The following MACF1 variants were observed in gnomAD, a reference collection of about 807,000 sequenced individuals.
MACF1 encodes microtubule-actin cross-linking factor 1.
A neutral mutation model predicts 854.8 loss-of-function variants in MACF1; 193 were observed. The ratio of observed to expected loss-of-function variants is 0.23; its 90% confidence interval spans 0.20 to 0.25. The LOEUF (loss-of-function observed/expected upper bound fraction) is 0.25, where lower values mean the gene tolerates loss of function less well. Ranked by LOEUF, MACF1 falls within the 10% of genes least tolerant of loss-of-function variation. MACF1 has a pLI of 1.00. For synonymous variants in MACF1, 3,185 were observed against 3,226.7 expected (o/e 0.99, Z 0.44); for missense variants, 7,722 against 8,929.1 (o/e 0.86, Z 5.45).
Position 39,439,373 on chromosome 1 carries a change from C to A in MACF1, c.18320C>A (p.Ala6107Glu), listed in dbSNP as rs764730269. ...AAATTTCTTGATGTCCTTGAATTAG[C>A]AGAGAAGTTCTGGTATGACATGGCA... ...EIKFLDVLEL[A>E]EKFWYDMAAL... The change falls in exon 72 of 101, where the codon GCA becomes GAA. Residue 6107 changes from alanine (A) to glutamate (E), a missense_variant. Around this residue, in one of 15 missense-constraint regions of MACF1, gnomAD observed 2,807 missense variants for 3,235.8 expected, o/e 0.87. Transcript: ENST00000564288. The A allele has an allele frequency of 6.2e-7, 1 of 1,614,030 alleles. No individual in the cohort carries two copies. Among genetic ancestry groups the A allele is most frequent in the Non-Finnish European group, 8.5e-7 (1 of 1,179,950 alleles).
At chr1:39,327,068 A>G (rs1433484802) in intron 35 of MACF1, 150 bp from the exon 36 acceptor site, 2 of 705,906 alleles carry the variant, frequency 2.8e-6, no homozygotes, top group African/African-American at 1.8e-5. Flanking sequence ...TGAGATAAAC[A>G]GAAGAACTGA....
At chr1:39,165,793 G>A (rs751390996) in intron 2 of MACF1, among the ~76,000 whole-genome samples, 2 of 152,156 alleles carry the variant, frequency 1.3e-5, no homozygotes, top group Non-Finnish European at 2.9e-5. Context: ...TTGTTAAATA[G>A]CATCTTTTGC....
At chr1:39,481,118 C>T (rs1315798091) in intron 99 of MACF1, 88 bp downstream of exon 99, 3 of 757,530 alleles carry the variant, frequency 4.0e-6, no homozygotes, top group Non-Finnish European at 4.5e-6. Flanking sequence ...GACACGAATC[C>T]CTGCACTCTT....
intron 1 of MACF1, chr1:39,215,546 C>A (rs371203567): frequency 5.9e-5 from 9 of 152,278 alleles, no homozygotes; most frequent in Non-Finnish European, 1.3e-4. Context: ...GTGTTACAAC[C>A]TTTAGGCTTG....
rs974650984 is a variant in MACF1 at position 39,409,021 on chromosome 1, G to A, written c.15817-13353G>A. Among the ~76,000 whole-genome samples the A allele has an allele frequency of 1.3e-5, 2 of 151,838 alleles. No individual in the cohort carries two copies. Among genetic ancestry groups the A allele is most frequent in the Non-Finnish European group, 2.9e-5 (2 of 67,946 alleles). On this transcript the variant is annotated intron_variant, in intron 58 of 100. Coordinates refer to ENST00000564288, the MANE Select transcript of MACF1 (RefSeq NM_001394062.1). This position sits in a 1 kb window ranked among gnomAD's most constrained non-coding sequence, Gnocchi z 4.2. ...GGCTTCCAGGGGGCTGCCCGGGCGG[G>A]GCGGCGCAGCGCGGCGGCGCGGGGA... is the stretch of plus-strand genomic sequence containing the variant.
chr1:39,127,018 G>A (rs1046832754), intron 2 of MACF1, among the ~76,000 whole-genome samples: 1 of 152,090 alleles, frequency 6.6e-6, no homozygotes, highest in African/African-American at 2.4e-5. Context: ...GATCACCTGA[G>A]GTTGGGAATT....
intron 2 of MACF1, among the ~76,000 whole-genome samples, chr1:39,086,710 G>A (rs1167800492): frequency 1.3e-5 from 2 of 152,208 alleles, no homozygotes; most frequent in Non-Finnish European, 2.9e-5. Context: ...CAGATTTGGA[G>A]TCTAGAATAG....
intron 52 of MACF1, among the ~76,000 whole-genome samples, chr1:39,377,338 A>G (rs1272161624): frequency 6.6e-6 from 1 of 152,166 alleles, no homozygotes; most frequent in Non-Finnish European, 1.5e-5. Flanking sequence ...AACCTTGCAC[A>G]TGACTTTTTG....
At chr1:39,262,975 C>CG (rs941561671) in intron 6 of MACF1, among the ~76,000 whole-genome samples, 1 of 145,710 alleles carries the variant, frequency 6.9e-6, no homozygotes, top group Non-Finnish European at 1.5e-5. Context: ...AGTGCCCCCC[C>CG]ACCCCCCGCC....
rs755471537 is a variant in MACF1, at chr1:39,324,217, G to A, written c.4261G>A (p.Glu1421Lys). The A allele has an allele frequency of 6.2e-7, 1 of 1,609,014 alleles. No individual in the cohort carries two copies. Residue 1421 changes from glutamate (E) to lysine (K), a missense_variant, in exon 34 of 101, where the codon GAA becomes AAA. By Grantham distance (56) the Glu-to-Lys change is moderately conservative. Transcript: ENST00000564288. ...EEKVVEEEKQ[E>K]HVEKVKELLG... Reference sequence around the variant, plus strand: ...GAAAGTGGTAGAAGAGGAGAAACAAGAACATGTGGAGAAGGTTAAAGAACT... The same window carrying A: ...GAAAGTGGTAGAAGAGGAGAAACAAAAACATGTGGAGAAGGTTAAAGAACT...
chr1:39,425,854 G>C (rs1420408296), intron 61 of MACF1, among the ~76,000 whole-genome samples: 1 of 151,972 alleles, frequency 6.6e-6, no homozygotes, highest in Non-Finnish European at 1.5e-5. Context: ...ACTCCTTAAA[G>C]TCATGGTTTG....
At chr1:39,292,738 T>G in intron 16 of MACF1, 28 bp from the exon 17 acceptor site, 4 of 1,484,368 alleles carry the variant, frequency 2.7e-6, no homozygotes, top group Non-Finnish European at 3.7e-6. Context: ...TTCTCTAATG[T>G]ATTTTTATTT....
intron 1 of MACF1, among the ~76,000 whole-genome samples, chr1:39,214,980 T>A (rs2148281727): frequency 6.6e-6 from 1 of 152,262 alleles, no homozygotes; most frequent in African/African-American, 2.4e-5. Flanking sequence ...AAATGGAGGG[T>A]AACTCAAAGA....
intron 2 of MACF1, among the ~76,000 whole-genome samples, chr1:39,118,382 A>G (rs1056699970): frequency 6.6e-6 from 1 of 152,244 alleles, no homozygotes; most frequent in Non-Finnish European, 1.5e-5. Context: ...AACAGGGACC[A>G]GAGTAGGTGG....
At chr1:39,414,695 G>A in intron 58 of MACF1, 1 of 684,446 alleles carries the variant, frequency 1.5e-6, no homozygotes, top group Non-Finnish European at 2.4e-6. Flanking sequence ...TTTTTATTCA[G>A]ATAAGCCAAT....
chr1:39,250,248 AT>A, intron 3 of MACF1, 145 bp downstream of exon 3: 1 of 485,566 alleles, frequency 2.1e-6, no homozygotes, highest in Non-Finnish European at 3.7e-6. Flanking sequence ...GGGGGACTTT[AT>A]TTCTAACTCA....
At chr1:39,169,042 C>G (rs1168173189) in intron 2 of MACF1, among the ~76,000 whole-genome samples, 2 of 152,226 alleles carry the variant, frequency 1.3e-5, no homozygotes, top group Admixed American at 6.5e-5. Context: ...TTGCAGACAT[C>G]TGTTAACTCT....
intron 6 of MACF1, among the ~76,000 whole-genome samples, chr1:39,279,188 G>T (rs997293632): frequency 1.3e-5 from 2 of 152,094 alleles, no homozygotes; most frequent in Non-Finnish European, 2.9e-5. Context: ...CCTGTCAAGG[G>T]CATAAGATCC....
chr1:39,480,091 C>T, intron 98 of MACF1, 82 bp downstream of exon 98: 1 of 1,277,130 alleles, frequency 7.8e-7, no homozygotes, highest in Non-Finnish European at 1.1e-6. Flanking sequence ...CTCTGAAAGA[C>T]TCCAGTGAGG....
Sources: gnomAD v4.1 joint callset for allele counts (sites outside exome capture counted in the v4.1 genomes callset) on GRCh38, gnomAD v4.1.1 for gene constraint, gnomAD v4.1.1 regional missense constraint, Gnocchi (gnomAD v3.1) non-coding constraint, MANE v1.5 for transcripts, NCBI Gene and HGNC (gene_info 2026-07-23, HGNC 2026-07-21) for gene names.